The following ERBB4 variants were observed in gnomAD, a reference collection of about 807,000 sequenced individuals.
ERBB4 encodes the protein erb-b2 receptor tyrosine kinase 4, also known as receptor tyrosine-protein kinase erbB-4.
A neutral mutation model predicts 158.0 loss-of-function variants in ERBB4; 42 were observed. That is an observed-to-expected ratio of 0.27 (90% CI 0.21 to 0.34). The LOEUF (loss-of-function observed/expected upper bound fraction) is 0.34, where lower values mean the gene tolerates loss of function less well. ERBB4 is among the 10% of genes least tolerant of loss of function. The pLI is 1.00. For synonymous variants in ERBB4, 583 were observed against 558.7 expected (o/e 1.04, Z -0.61); for missense variants, 1,333 against 1,624.1 (o/e 0.82, Z 3.08).
At chr2:211,689,793 C>T (rs2072724091) in intron 12 of ERBB4, among the ~76,000 whole-genome samples, 1 of 151,812 alleles carries the variant, frequency 6.6e-6, no homozygotes, top group East Asian at 1.9e-4. Flanking sequence ...TGTTTACATA[C>T]TCTTGCTAAT....
chr2:212,402,661 A>C (rs958168598), intron 1 of ERBB4, among the ~76,000 whole-genome samples: 1 of 152,130 alleles, frequency 6.6e-6, no homozygotes, highest in Non-Finnish European at 1.5e-5. Flanking sequence ...ATCTGCAATT[A>C]TCTCTTAAAA....
intron 1 of ERBB4, among the ~76,000 whole-genome samples, chr2:212,474,783 A>G (rs1472362547): frequency 6.6e-6 from 1 of 151,012 alleles, no homozygotes; most frequent in Non-Finnish European, 1.5e-5. Flanking sequence ...AAACTTGCCA[A>G]AACATAAACT....
At chr2:211,581,591 T>C (rs2068106000) in intron 19 of ERBB4, among the ~76,000 whole-genome samples, 1 of 152,210 alleles carries the variant, frequency 6.6e-6, no homozygotes, top group African/African-American at 2.4e-5. Context: ...TAGTGGGGAA[T>C]AATTTACCTC....
intron 1 of ERBB4, among the ~76,000 whole-genome samples, chr2:212,340,192 C>A (rs1032688036): frequency 5.9e-5 from 9 of 152,024 alleles, no homozygotes; most frequent in African/African-American, 1.9e-4. Context: ...AGAGCCACCA[C>A]ACCCAGTCCA....
intron 19 of ERBB4, among the ~76,000 whole-genome samples, chr2:211,576,522 C>A (rs2067898152): frequency 6.6e-6 from 1 of 152,072 alleles, no homozygotes; most frequent in Non-Finnish European, 1.5e-5. Context: ...TGTATGTTAC[C>A]TTATTAATAA....
At chr2:212,467,717 A>G (rs1422139410) in intron 1 of ERBB4, among the ~76,000 whole-genome samples, 1 of 152,190 alleles carries the variant, frequency 6.6e-6, no homozygotes, top group African/African-American at 2.4e-5. Context: ...AATCCTCCAC[A>G]CACAGTTCCT....
chr2:212,019,770 A>AG (rs1553536932), intron 2 of ERBB4, among the ~76,000 whole-genome samples: 1 of 150,676 alleles, frequency 6.6e-6, no homozygotes, highest in Non-Finnish European at 1.5e-5. Flanking sequence ...AAAAAAAAAA[A>AG]AAAAAAGGAA....
At chr2:212,183,107 T>G (rs778100685) in intron 1 of ERBB4, among the ~76,000 whole-genome samples, 9 of 151,884 alleles carry the variant, frequency 5.9e-5, no homozygotes, top group African/African-American at 9.7e-5. Context: ...AACGATGTTT[T>G]AAGTTTGACT....
intron 9 of ERBB4, among the ~76,000 whole-genome samples, chr2:211,710,413 A>G (rs2073652843): frequency 1.3e-5 from 2 of 152,150 alleles, no homozygotes; most frequent in Admixed American, 6.6e-5. Context: ...TTGCCTTACT[A>G]AATGTCATAT....
At chr2:211,898,549 C>G (rs2079155818) in intron 3 of ERBB4, among the ~76,000 whole-genome samples, 1 of 152,050 alleles carries the variant, frequency 6.6e-6, no homozygotes, top group Admixed American at 6.6e-5. Context: ...ATTCAAAAAC[C>G]ATTTTCTGCA....
intron 1 of ERBB4, among the ~76,000 whole-genome samples, chr2:212,501,842 TGAA>T (rs1690909671): frequency 6.6e-6 from 1 of 152,052 alleles, no homozygotes; most frequent in African/African-American, 2.4e-5. Flanking sequence ...TCAATTAAGA[TGAA>T]GAAAGCCATC....
At chr2:211,811,489 GTCTCGGGGTTGC>G (rs2076755810) in intron 3 of ERBB4, among the ~76,000 whole-genome samples, 1 of 151,904 alleles carries the variant, frequency 6.6e-6, no homozygotes, top group Non-Finnish European at 1.5e-5. Context: ...ACAATTATGT[GTCTCGGGGTTGC>G]TCTTCTCGAG....
At chr2:212,227,031 A>C (rs1479092560) in intron 1 of ERBB4, among the ~76,000 whole-genome samples, 1 of 152,120 alleles carries the variant, frequency 6.6e-6, no homozygotes, top group East Asian at 1.9e-4. Flanking sequence ...AGAACGCTTA[A>C]GATTGGGAGT....
intron 1 of ERBB4, among the ~76,000 whole-genome samples, chr2:212,317,584 C>T (rs141804871): frequency 1.5e-3 from 229 of 151,588 alleles, no homozygotes; most frequent in African/African-American, 5.3e-3. Flanking sequence ...ACTATATAGC[C>T]AAAATATGTA....
At chr2:211,660,763 A>C (rs1175559195) in intron 15 of ERBB4, among the ~76,000 whole-genome samples, 1 of 152,242 alleles carries the variant, frequency 6.6e-6, no homozygotes, top group East Asian at 1.9e-4. Context: ...GCAGAGGCTG[A>C]AGATGGAAAC....
At chr2:211,759,745 T>G (rs2075363737) in intron 4 of ERBB4, among the ~76,000 whole-genome samples, 1 of 152,122 alleles carries the variant, frequency 6.6e-6, no homozygotes, top group African/African-American at 2.4e-5. Flanking sequence ...GTATAATGCA[T>G]AAAAACATGA....
At chr2:211,755,368 G>A (rs1224185291) in intron 4 of ERBB4, among the ~76,000 whole-genome samples, 3 of 152,138 alleles carry the variant, frequency 2.0e-5, no homozygotes, top group Non-Finnish European at 4.4e-5. Context: ...CGGGCTTGTT[G>A]GCGCACGCCT....
chr2:211,616,030 G>A (rs2069374477), intron 19 of ERBB4, among the ~76,000 whole-genome samples: 1 of 152,100 alleles, frequency 6.6e-6, no homozygotes, highest in Non-Finnish European at 1.5e-5. Context: ...TATTTAGCTT[G>A]AAAGTTATCC....
intron 1 of ERBB4, among the ~76,000 whole-genome samples, chr2:212,191,998 G>A (rs1204097384): frequency 9.7e-6 from 1 of 103,460 alleles, no homozygotes; most frequent in Non-Finnish European, 2.1e-5. Context: ...TGTTATATAT[G>A]TTATATATAA....
Sources: allele counts gnomAD v4.1 joint callset (sites outside exome capture counted in the v4.1 genomes callset), GRCh38; gene constraint gnomAD v4.1.1; transcripts MANE v1.5; gene names NCBI Gene and HGNC (gene_info 2026-07-23, HGNC 2026-07-21).